Variants in HLCS observed in about 807,000 individuals in gnomAD.
HLCS encodes holocarboxylase synthetase.
A neutral mutation model predicts 75.0 loss-of-function variants in HLCS; 53 were observed. The observed-to-expected ratio is 0.71, with a 90% CI of 0.57 to 0.89. HLCS has a LOEUF of 0.89. HLCS is among the 40% of genes least tolerant of loss of function. The probability of loss-of-function intolerance (pLI) is 0.00; values close to 1 mark genes in which losing one functional copy is unlikely to be tolerated. For missense variants in HLCS, 966 were observed against 1,074.0 expected, an observed-to-expected ratio of 0.90 and a Z score of 1.41; for synonymous variants, 431 against 428.6, an observed-to-expected ratio of 1.01 and a Z score of -0.07.
At chr21:36,809,877 T>A (rs1180682814) in intron 6 of HLCS, among the ~76,000 whole-genome samples, 1 of 152,212 alleles carries the variant, frequency 6.6e-6, no homozygotes, top group Non-Finnish European at 1.5e-5. Flanking sequence ...TAGCTGGGAC[T>A]ACAAGGGCAC....
Position 36,982,945 on chromosome 21 carries a change from T to C in HLCS, c.-393+7213A>G, listed in dbSNP as rs190077734. On this transcript the variant is annotated intron_variant, in intron 1 of 11. Coordinates refer to the HLCS transcript ENST00000336648. The stretch of plus-strand genomic sequence containing the variant: ...TCGGGAAGCTGAGGCAGAGAATTGC[T>C]TAAACCCAGAAGGCGGAGGCGGAGG... Among the ~76,000 whole-genome samples the C allele has an allele frequency of 1.2e-3, 178 of 152,240 alleles. 2 individuals are homozygous for C. Among genetic ancestry groups the C allele is most frequent in the African/African-American group, 4.0e-3 (167 of 41,536 alleles).
At chr21:36,867,385 T>C (rs556128998) in intron 6 of HLCS, among the ~76,000 whole-genome samples, 28 of 152,332 alleles carry the variant, frequency 1.8e-4, no homozygotes, top group South Asian at 1.5e-3. Context: ...GGCTGAATTA[T>C]AGAGTAACAC....
chr21:36,966,421 G>GGCCGGGCCCCC, intron 1 of HLCS, 23 bp downstream of exon 1: 5 of 473,746 alleles, frequency 1.1e-5, no homozygotes, highest in Non-Finnish European at 1.4e-5. Context: ...GGCCCGGGTC[G>GGCCGGGCCCCC]CCCGCCCGCC....
intron 5 of HLCS, among the ~76,000 whole-genome samples, chr21:36,901,590 G>A (rs987139268): frequency 5.9e-5 from 9 of 152,204 alleles, no homozygotes; most frequent in East Asian, 1.9e-4. Flanking sequence ...TAGTGTTCAC[G>A]CCTTTGCTTC....
chr21:36,956,044 T>A (rs1266500355), intron 2 of HLCS, among the ~76,000 whole-genome samples: 3 of 152,214 alleles, frequency 2.0e-5, no homozygotes, highest in Non-Finnish European at 2.9e-5. Flanking sequence ...CACTCTATGA[T>A]GTTTGCATGA....
intron 6 of HLCS, among the ~76,000 whole-genome samples, chr21:36,820,781 G>C (rs2061815117): frequency 6.6e-6 from 1 of 152,254 alleles, no homozygotes; most frequent in South Asian, 2.1e-4. Flanking sequence ...GACGTCCCTG[G>C]TGAAGCTCCA....
At chr21:36,840,183 G>A (rs866479728) in intron 6 of HLCS, among the ~76,000 whole-genome samples, 2 of 152,036 alleles carry the variant, frequency 1.3e-5, no homozygotes, top group Non-Finnish European at 2.9e-5. Context: ...CATAATCATA[G>A]AACTACATGA....
At chr21:36,807,403 G>A (rs1247798744) in intron 6 of HLCS, among the ~76,000 whole-genome samples, 3 of 152,202 alleles carry the variant, frequency 2.0e-5, no homozygotes, top group African/African-American at 4.8e-5. Flanking sequence ...CCACAAAAGC[G>A]AGAGCATCTC....
intron 6 of HLCS, among the ~76,000 whole-genome samples, chr21:36,888,562 T>C (rs1194866063): frequency 2.0e-5 from 3 of 148,288 alleles, no homozygotes; most frequent in African/African-American, 7.5e-5. Context: ...AAGTCAACTG[T>C]CTCCCACACA....
rs112119863 is a variant in HLCS at position 36,826,648 on chromosome 21, C to A, written c.1893-59363G>T. Among the ~76,000 whole-genome samples, 281 of 152,310 alleles carry A rather than the reference C, an allele frequency of 1.8e-3. 1 individual carries two copies. The highest frequency in any genetic ancestry group is 5.9e-3 in the African/African-American group (245 of 41,582). ...GGGTAAATAGTAACATTCTACTGTA[C>A]CACATTTTCTAGAATGGCTGTATAT... On this transcript the variant is annotated intron_variant, in intron 6 of 10. Transcript: ENST00000674895.
At chr21:36,873,563 T>G (rs955587794) in intron 6 of HLCS, among the ~76,000 whole-genome samples, 2 of 152,256 alleles carry the variant, frequency 1.3e-5, no homozygotes, top group Non-Finnish European at 2.9e-5. Flanking sequence ...TTGCAAATAT[T>G]AACTCCCAGT....
chr21:36,933,022 G>A (rs2066716333), intron 4 of HLCS, among the ~76,000 whole-genome samples: 1 of 152,202 alleles, frequency 6.6e-6, no homozygotes, highest in African/African-American at 2.4e-5. Flanking sequence ...AGAGGCTGAG[G>A]CACAAGAATC....
At chr21:36,967,616 G>T (rs1266440190), upstream of HLCS, among the ~76,000 whole-genome samples, 3 of 152,244 alleles carry the variant, frequency 2.0e-5, no homozygotes, top group African/African-American at 7.2e-5. Context: ...GCACAGCAAA[G>T]AATTCCATCC....
chr21:36,797,866 A>G (rs901299202), intron 6 of HLCS, among the ~76,000 whole-genome samples: 34 of 152,380 alleles, frequency 2.2e-4, no homozygotes, highest in African/African-American at 7.2e-4. Flanking sequence ...ACTATGTAAC[A>G]CTGTTCTAGA....
At chr21:36,923,906 G>A (rs2066286465) in intron 5 of HLCS, among the ~76,000 whole-genome samples, 1 of 152,100 alleles carries the variant, frequency 6.6e-6, no homozygotes, top group South Asian at 2.1e-4. Context: ...AGAGAAAGAG[G>A]TATATGAAAG....
At chr21:36,793,619 G>A (rs933599590) in intron 6 of HLCS, among the ~76,000 whole-genome samples, 1 of 152,108 alleles carries the variant, frequency 6.6e-6, no homozygotes, top group African/African-American at 2.4e-5. Context: ...TCTTATTGGT[G>A]TGTCACTTTT....
chr21:36,962,531 T>C (rs2068355244), intron 1 of HLCS, among the ~76,000 whole-genome samples: 1 of 152,096 alleles, frequency 6.6e-6, no homozygotes, highest in South Asian at 2.1e-4. Flanking sequence ...CTCACGCCTG[T>C]AATCCTAGCA....
intron 6 of HLCS, among the ~76,000 whole-genome samples, chr21:36,893,707 G>A (rs1301033355): frequency 2.6e-5 from 4 of 152,274 alleles, no homozygotes; most frequent in East Asian, 1.9e-4. Flanking sequence ...TAATGCTGCC[G>A]CTGATCTGAC....
intron 5 of HLCS, among the ~76,000 whole-genome samples, chr21:36,919,051 C>T (rs1216152391): frequency 6.6e-6 from 1 of 152,190 alleles, no homozygotes; most frequent in Non-Finnish European, 1.5e-5. Context: ...ACAGAGCTCG[C>T]ATCTTTCAGA....
Sources: gnomAD v4.1 joint callset for allele counts (sites outside exome capture counted in the v4.1 genomes callset) on GRCh38, gnomAD v4.1.1 for gene constraint, MANE v1.5 for transcripts, NCBI Gene and HGNC (gene_info 2026-07-23, HGNC 2026-07-21) for gene names.